The following RPL13A variants were observed in gnomAD, a reference collection of about 807,000 sequenced individuals.
RPL13A encodes the protein ribosomal protein L13a.
RPL13A carries 4 observed loss-of-function variants against 30.8 expected under a neutral mutation model. The ratio of observed to expected loss-of-function variants is 0.13; its 90% CI spans 0.06 to 0.30. The LOEUF (loss-of-function observed/expected upper bound fraction) is 0.30. Among genes scored for constraint, RPL13A ranks in the 10% least tolerant of loss-of-function variants. The probability of loss-of-function intolerance (pLI) is 1.00; values close to 1 mark genes in which losing one functional copy is unlikely to be tolerated. For missense variants in RPL13A, 196 were observed against 272.6 expected (o/e 0.72, Z 1.98); for synonymous variants, 108 against 104.2 (o/e 1.04, Z -0.22).
At chr19:49,491,570 A>T in intron 7 of RPL13A, 23 bp downstream of exon 7, 1 of 1,553,902 alleles carries the variant, frequency 6.4e-7, no homozygotes, top group Non-Finnish European at 8.7e-7. Context: ...GCTGGTGCTG[A>T]GGGGGGCATC....
rs368475439 is a variant in RPL13A, at chr19:49,489,901, G to A, written c.67G>A (p.Val23Met). 1.2e-6 allele frequency: 2 copies of A among 1,613,980 alleles called. No individual in the cohort carries two copies. Among genetic ancestry groups the A allele is most frequent in the African/African-American group, 1.3e-5 (1 of 74,952 alleles). Residue 23 changes from valine (V) to methionine (M), a missense_variant, in exon 2 of 8, where the codon GTG (valine) becomes ATG (methionine). Val to Met is a conservative substitution (Grantham distance 21, BLOSUM62 1). Transcript: ENST00000391857. ...TCTCCTGGGCCGCCTGGCGGCCATC[G>A]TGGCTAAACAGGTACTGCTGGGTAA... ...GHLLGRLAAI[V>M]AKQVLLGRKV... is the part of the protein sequence containing the mutation.
chr19:49,490,090 A>C (rs777156259), intron 2 of RPL13A, 142 bp from the exon 3 acceptor site: 1 of 1,044,066 alleles, frequency 9.6e-7, no homozygotes, highest in Non-Finnish European at 1.5e-6. Flanking sequence ...AGGCTCAAGA[A>C]GTAATTATGT....
At position 49,491,865 on chromosome 19, in the gene RPL13A, T is replaced by C. The variant is rs1357399343; in HGVS notation, c.*50T>C. 1 of 1,451,740 alleles carries C rather than the reference T, an allele frequency of 6.9e-7. No homozygotes were observed. The highest frequency in any genetic ancestry group is 2.3e-5 in the East Asian group (1 of 43,530). The allele number at this position is 1,451,740 out of a possible 1,614,324, so 89.9% of individuals were successfully genotyped here. A position where few individuals can be genotyped will look rare whatever the true frequency, so the allele number is the denominator to read the frequency against. Reference sequence around the variant, plus strand: ...CATGCGTTGCCTGCCCTTCCTCCATTGTTGCCCTGGAATGTACGGGACCCA... The same window carrying C: ...CATGCGTTGCCTGCCCTTCCTCCATCGTTGCCCTGGAATGTACGGGACCCA... On this transcript the variant is annotated 3_prime_UTR_variant, in exon 8 of 8. Transcript: ENST00000391857.
At chr19:49,488,360 G>A (rs931210944) in intron 1 of RPL13A, among the ~76,000 whole-genome samples, 1 of 152,172 alleles carries the variant, frequency 6.6e-6, no homozygotes, top group African/African-American at 2.4e-5. Flanking sequence ...TAAGTATAAA[G>A]GAGGGATTGG....
chr19:49,491,377 G>C, intron 6 of RPL13A, 48 bp from the exon 7 acceptor site: 1 of 1,151,000 alleles, frequency 8.7e-7, no homozygotes, highest in Non-Finnish European at 1.2e-6. Context: ...TGGGGGCTTA[G>C]ATATCCTTAC....
chr19:49,488,498 C>T (rs757420963), intron 1 of RPL13A, among the ~76,000 whole-genome samples: 6 of 152,210 alleles, frequency 3.9e-5, no homozygotes, highest in Non-Finnish European at 7.3e-5. Context: ...CAATGTTTTG[C>T]GTAGTTCAGT....
At chr19:49,489,951 A>G (rs779234343) in intron 2 of RPL13A, 29 bp downstream of exon 2, 41 of 1,573,112 alleles carry the variant, frequency 2.6e-5, no homozygotes, top group Non-Finnish European at 3.4e-5. Flanking sequence ...CCCCTCTGTC[A>G]TGGGCCCCCG....
chr19:49,490,456 C>T lies in RPL13A; in HGVS notation c.155-19C>T. ...GTGCTGGTAGACTGGGCAGGCCTCA[C>T]ACTCTCCCCTCTCCCTAGTGAAGTA... On this transcript the variant is annotated intron_variant, in intron 3 of 7. Transcript: ENST00000391857. 2 of 1,612,678 alleles carry T rather than the reference C, an allele frequency of 1.2e-6. No individual in the cohort carries two copies. Among genetic ancestry groups the T allele is most frequent in the Non-Finnish European group, 1.7e-6 (2 of 1,178,788 alleles).
At position 49,490,470 on chromosome 19, in the gene RPL13A, C is replaced by T. The variant is rs754869492; in HGVS notation, c.155-5C>T. ...GGCAGGCCTCACACTCTCCCCTCTC[C>T]CTAGTGAAGTACCTGGCTTTCCTCC... is the stretch of plus-strand genomic sequence containing the variant. On this transcript the variant is annotated splice_polypyrimidine_tract_variant and splice_region_variant and intron_variant, in intron 3 of 7. Coordinates refer to ENST00000391857, the MANE Select transcript of RPL13A (RefSeq NM_012423.4). 6.8e-6 allele frequency: 11 copies of T among 1,614,076 alleles called. No homozygotes were observed. Among genetic ancestry groups the T allele is most frequent in the Admixed American group, 1.7e-5 (1 of 60,022 alleles).
chr19:49,490,921 C>T (rs769976330), intron 5 of RPL13A, 57 bp downstream of exon 5: 27 of 1,605,684 alleles, frequency 1.7e-5, no homozygotes, highest in Middle Eastern at 3.3e-4. Context: ...CATGATGTTC[C>T]GCAACTACCT....
chr19:49,491,931 A>G lies in RPL13A; in HGVS notation c.*116A>G, dbSNP rs1601166656. ...CAGGTGCCACAGGCAGCCCTGGGACATAGGAAGCTGGGAGCAAGGAAAGGG... is the reference window on the plus strand; with the variant it reads ...CAGGTGCCACAGGCAGCCCTGGGACGTAGGAAGCTGGGAGCAAGGAAAGGG... On this transcript the variant is annotated 3_prime_UTR_variant, in exon 8 of 8. Transcript: ENST00000391857. 8.9e-6 allele frequency: 7 copies of G among 785,152 alleles called. 1 individual carries two copies. Among genetic ancestry groups the G allele is most frequent in the East Asian group, 8.0e-5 (3 of 37,514 alleles). The allele number at this position is 785,152 out of a possible 1,614,324, so 48.6% of individuals were successfully genotyped here. A position where few individuals can be genotyped will look rare whatever the true frequency, so the allele number is the denominator to read the frequency against.
Position 49,491,088 on chromosome 19 carries a change from C to T in RPL13A, c.391C>T (p.Pro131Ser). 1 of 1,614,202 alleles carries T rather than the reference C, an allele frequency of 6.2e-7. No homozygotes were observed. The highest frequency in any genetic ancestry group is 1.3e-5 in the African/African-American group (1 of 75,060). Residue 131 changes from proline to serine, a missense_variant, in exon 6 of 8, where the codon CCT (proline) becomes TCT (serine). Coordinates refer to ENST00000391857, the MANE Select transcript of RPL13A (RefSeq NM_012423.4). ...PAALKVVRLK[P>S]TRKFAYLGRL... ...TGCCCTCAAGGTCGTGCGTCTGAAG[C>T]CTACAAGAAAGGTGAGTCCCAGCTT... is the stretch of plus-strand genomic sequence containing the variant.
chr19:49,489,633 C>T (rs913768320), intron 1 of RPL13A, among the ~76,000 whole-genome samples: 5 of 152,216 alleles, frequency 3.3e-5, no homozygotes, highest in Admixed American at 6.5e-5. Flanking sequence ...GGAGTTTGGG[C>T]CTCTTAAACT....
At chr19:49,488,079 C>T (rs1435041564) in intron 1 of RPL13A, among the ~76,000 whole-genome samples, 1 of 152,144 alleles carries the variant, frequency 6.6e-6, no homozygotes, top group Non-Finnish European at 1.5e-5. Flanking sequence ...CCGCTCAGTG[C>T]GCGGGCTACT....
Position 49,487,648 on chromosome 19 carries a change from T to A in RPL13A, c.15+4T>A. The A allele has an allele frequency of 6.4e-7, 1 of 1,557,138 alleles. No homozygotes were observed. The highest frequency in any genetic ancestry group is 2.4e-5 in the East Asian group (1 of 41,444). On this transcript the variant is annotated splice_donor_region_variant and intron_variant, in intron 1 of 7. Transcript: ENST00000391857. ...GCCGAAGATGGCGGAGGTGCAGGTA[T>A]GGGCTCCGCGCGGGCCGGGGCGGCA...
chr19:49,488,031 G>A (rs1210380522), intron 1 of RPL13A, among the ~76,000 whole-genome samples: 1 of 152,132 alleles, frequency 6.6e-6, no homozygotes. Context: ...GGGGCAATGA[G>A]AAACTGAGTT....
At chr19:49,488,557 GAAATT>G (rs2079832480) in intron 1 of RPL13A, among the ~76,000 whole-genome samples, 1 of 152,228 alleles carries the variant, frequency 6.6e-6, no homozygotes. Context: ...TACAGAGGAG[GAAATT>G]AAATTGGAAT....
chr19:49,490,331 G>T (rs768546473), intron 3 of RPL13A, 34 bp downstream of exon 3: 1 of 1,607,388 alleles, frequency 6.2e-7, no homozygotes, highest in Non-Finnish European at 8.5e-7. Context: ...ACTGGAGAGG[G>T]TCTCCCTGTG....
chr19:49,491,093 A>G lies in RPL13A; in HGVS notation c.396A>G (p.Thr132=). ...AALKVVRLKP[T]RKFAYLGRLA... Reference sequence around the variant, plus strand: ...TCAAGGTCGTGCGTCTGAAGCCTACAAGAAAGGTGAGTCCCAGCTTACGCT... The same window carrying G: ...TCAAGGTCGTGCGTCTGAAGCCTACGAGAAAGGTGAGTCCCAGCTTACGCT... Residue 132 remains threonine (T), a synonymous_variant, in exon 6 of 8, where the codon ACA becomes ACG. Transcript: ENST00000391857. The G allele has an allele frequency of 1.2e-6, 2 of 1,614,150 alleles. No homozygotes were observed. Among genetic ancestry groups the G allele is most frequent in the South Asian group, 1.1e-5 (1 of 91,074 alleles).
Sources: allele counts gnomAD v4.1 joint callset (sites outside exome capture counted in the v4.1 genomes callset), GRCh38; gene constraint gnomAD v4.1.1; transcripts MANE v1.5; gene names NCBI Gene and HGNC (gene_info 2026-07-23, HGNC 2026-07-21).